PCDHA3: variants seen among roughly 807,000 people sequenced by gnomAD.
PCDHA3 encodes protocadherin alpha-3.
In PCDHA3, 41 loss-of-function variants were observed where a neutral mutation model predicts 62.2. The ratio of observed to expected loss-of-function variants is 0.66; its 90% CI spans 0.51 to 0.86. The LOEUF is 0.86. Among genes scored for constraint, PCDHA3 ranks in the 40% least tolerant of loss-of-function variants. The probability of loss-of-function intolerance (pLI) is 0.00; values close to 1 mark genes in which losing one functional copy is unlikely to be tolerated. For synonymous variants in PCDHA3, 640 were observed against 555.4 expected, an observed-to-expected ratio of 1.15 and a Z score of -2.14; for missense variants, 1,304 against 1,241.2, an observed-to-expected ratio of 1.05 and a Z score of -0.76.
At chr5:140,812,535 T>A (rs1554126002) in intron 1 of PCDHA3, 1 of 152,188 alleles carries the variant, frequency 6.6e-6, no homozygotes, top group Admixed American at 6.5e-5. Flanking sequence ...TTTGTCCTTT[T>A]TTTCTAGTTC....
intron 1 of PCDHA3, chr5:140,828,566 G>A (rs148766603): frequency 2.5e-6 from 4 of 1,614,098 alleles, no homozygotes; most frequent in African/African-American, 1.3e-5. Flanking sequence ...GGGCGCGTCC[G>A]ATGCAGATGT....
intron 3 of PCDHA3, among the ~76,000 whole-genome samples, chr5:140,998,657 T>G (rs1252646330): frequency 6.6e-6 from 1 of 151,974 alleles, no homozygotes; most frequent in African/African-American, 2.4e-5. Flanking sequence ...CTCTGCCTCC[T>G]GGGTTCAAGT....
rs200919454 is a variant in PCDHA3 at position 140,828,210 on chromosome 5, A to C, written c.2394+24619A>C. The C allele has an allele frequency of 4.6e-5, 74 of 1,613,938 alleles. No individual in the cohort carries two copies. The highest frequency in any genetic ancestry group is 5.9e-5 in the Non-Finnish European group (70 of 1,180,054). ...CACTACTCCGTACCCGAGGAGGCCA[A>C]ACACGGCACCTTCGTGGGCCGGATC... On this transcript the variant is annotated intron_variant, in intron 1 of 3. Coordinates refer to ENST00000522353, the MANE Select transcript of PCDHA3 (RefSeq NM_018906.3).
chr5:140,929,330 G>T, intron 1 of PCDHA3: 1 of 1,535,218 alleles, frequency 6.5e-7, no homozygotes. Context: ...GCCATGGTAA[G>T]CAAATTTTAT....
chr5:140,834,477 C>T lies in PCDHA3; in HGVS notation c.2394+30886C>T, dbSNP rs1554134251. Reference sequence around the variant, plus strand: ...TTGGGAGGCAGGGAGAGGCCAGCTCCACTACTCGGTCCCCGAGGAGGCTAA... The same window carrying T: ...TTGGGAGGCAGGGAGAGGCCAGCTCTACTACTCGGTCCCCGAGGAGGCTAA... On this transcript the variant is annotated intron_variant, in intron 1 of 3. Coordinates refer to ENST00000522353, the MANE Select transcript of PCDHA3 (RefSeq NM_018906.3). 3.7e-6 allele frequency: 6 copies of T among 1,614,174 alleles called. No individual in the cohort carries two copies. Among genetic ancestry groups the T allele is most frequent in the South Asian group, 2.2e-5 (2 of 91,082 alleles).
At chr5:140,990,114 A>G (rs1392233617) in intron 3 of PCDHA3, among the ~76,000 whole-genome samples, 9 of 151,936 alleles carry the variant, frequency 5.9e-5, no homozygotes, top group Admixed American at 4.6e-4. Flanking sequence ...GGAAATTGAG[A>G]GCTCTGTAGA....
intron 1 of PCDHA3, chr5:140,810,406 A>T (rs915741328): frequency 5.9e-5 from 9 of 152,166 alleles, no homozygotes; most frequent in African/African-American, 2.2e-4. Context: ...TGTAGCTAAC[A>T]CCAACCAATT....
Position 140,931,736 on chromosome 5 carries a change from G to T in PCDHA3, c.2395-47213G>T, listed in dbSNP as rs550065133. On this transcript the variant is annotated intron_variant, in intron 1 of 3. Transcript: ENST00000522353. ...TAACTTCTATAAATATGGGGTATTT[G>T]TAATTCACAAAGGCATTTGTTATTT... is the stretch of plus-strand genomic sequence containing the variant. Among the ~76,000 whole-genome samples, 307 of 152,008 alleles carry T rather than the reference G, an allele frequency of 2.0e-3. 3 individuals carry two copies. The highest frequency in any genetic ancestry group is 7.2e-3 in the African/African-American group (300 of 41,524).
intron 1 of PCDHA3, among the ~76,000 whole-genome samples, chr5:140,953,290 A>G (rs1554220852): frequency 1.3e-5 from 2 of 152,124 alleles, no homozygotes; most frequent in Admixed American, 6.6e-5. Context: ...TATGTGATTC[A>G]GGGACGGCAG....
chr5:141,001,520 C>G (rs542518188), intron 3 of PCDHA3, among the ~76,000 whole-genome samples: 1 of 152,300 alleles, frequency 6.6e-6, no homozygotes, highest in South Asian at 2.1e-4. Flanking sequence ...CTTTCTCCCT[C>G]TCTCTCTGAT....
intron 1 of PCDHA3, chr5:140,828,554 G>A: frequency 6.2e-7 from 1 of 1,614,212 alleles, no homozygotes; most frequent in South Asian, 1.1e-5. Flanking sequence ...GTTTCCACTG[G>A]AGGGCGCGTC....
At chr5:140,985,154 G>T (rs2097139142) in intron 3 of PCDHA3, among the ~76,000 whole-genome samples, 1 of 152,086 alleles carries the variant, frequency 6.6e-6, no homozygotes, top group South Asian at 2.1e-4. Flanking sequence ...AGCCAGGATT[G>T]TCTCAATCTC....
intron 3 of PCDHA3, among the ~76,000 whole-genome samples, chr5:141,002,176 G>C (rs1554258553): frequency 6.6e-6 from 1 of 152,242 alleles, no homozygotes; most frequent in Non-Finnish European, 1.5e-5. Context: ...GCAGGCTCCA[G>C]AGTGCTGTCT....
At chr5:140,804,755 G>GCAAT (rs1322058391) in intron 1 of PCDHA3, 1 of 227,750 alleles carries the variant, frequency 4.4e-6, no homozygotes, top group Non-Finnish European at 8.5e-6. Flanking sequence ...ATCTCCTCTA[G>GCAAT]CAATTAGTTG....
chr5:140,929,080 A>G, intron 1 of PCDHA3: 1 of 1,614,180 alleles, frequency 6.2e-7, no homozygotes, highest in Non-Finnish European at 8.5e-7. Context: ...GTATGGAAGT[A>G]AGATGGTTTC....
chr5:140,989,004 CTTA>C (rs1445940440), intron 3 of PCDHA3: 15 of 152,184 alleles, frequency 9.9e-5, no homozygotes, highest in African/African-American at 3.4e-4. Context: ...GAAATAGAGA[CTTA>C]TTATAGTTTC....
intron 3 of PCDHA3, among the ~76,000 whole-genome samples, chr5:140,997,728 A>G (rs1376007377): frequency 6.6e-6 from 1 of 152,030 alleles, no homozygotes; most frequent in Non-Finnish European, 1.5e-5. Flanking sequence ...ACGTCAGTAC[A>G]TATAGATTTG....
chr5:140,928,533 T>C (rs112671808), intron 1 of PCDHA3: 1 of 1,614,230 alleles, frequency 6.2e-7, no homozygotes, highest in African/African-American at 1.3e-5. Flanking sequence ...TTGTGGTAGA[T>C]AGGAATGACA....
At chr5:140,982,415 A>C (rs1291195577) in intron 2 of PCDHA3, 60 bp from the exon 3 acceptor site, 1 of 1,610,020 alleles carries the variant, frequency 6.2e-7, no homozygotes, top group African/African-American at 1.3e-5. Flanking sequence ...CTGAGGGTGG[A>C]AGAAGAGATG....
Sources: allele counts gnomAD v4.1 joint callset (sites outside exome capture counted in the v4.1 genomes callset), GRCh38; gene constraint gnomAD v4.1.1; transcripts MANE v1.5; gene names NCBI Gene and HGNC (gene_info 2026-07-23, HGNC 2026-07-21).